Variants in HEXB observed in about 807,000 individuals in gnomAD.
The protein encoded by HEXB is hexosaminidase subunit beta, also known as beta-hexosaminidase subunit beta.
In HEXB, 51 loss-of-function variants were observed where a neutral mutation model predicts 71.2. The ratio of observed to expected loss-of-function variants is 0.72; its 90% CI spans 0.57 to 0.90. The LOEUF (loss-of-function observed/expected upper bound fraction) is 0.90. Ranked by LOEUF, HEXB falls within the 40% of genes least tolerant of loss-of-function variation. The pLI, the probability that HEXB is intolerant of heterozygous loss-of-function variation, is 0.00. For missense variants in HEXB, 617 were observed against 677.0 expected (o/e 0.91, Z 0.98); for synonymous variants, 266 against 249.3 (o/e 1.07, Z -0.63).
At chr5:74,694,221 T>G (rs1749062198) in intron 3 of HEXB, among the ~76,000 whole-genome samples, 1 of 152,106 alleles carries the variant, frequency 6.6e-6, no homozygotes, top group South Asian at 2.1e-4. Flanking sequence ...TCAAAAAATG[T>G]TTGAAGGTTA....
intron 5 of HEXB, among the ~76,000 whole-genome samples, chr5:74,701,363 C>T (rs886325635): frequency 2.6e-5 from 4 of 152,032 alleles, no homozygotes; most frequent in Admixed American, 2.0e-4. Context: ...TTAGAATTTA[C>T]TTTAGTGTAT....
At chr5:74,688,249 A>AT (rs35280836) in intron 1 of HEXB, among the ~76,000 whole-genome samples, 92,431 of 136,160 alleles carry the variant, frequency 0.68, 33,147 homozygotes, top group Non-Finnish European at 0.75. Context: ...TAATATTAAT[A>AT]TTAATATTTA....
At chr5:74,689,508 C>G (rs750195024) in intron 2 of HEXB, 35 bp downstream of exon 2, 2 of 1,592,144 alleles carry the variant, frequency 1.3e-6, no homozygotes, top group Middle Eastern at 1.7e-4. Flanking sequence ...TATTATATCC[C>G]AGGTGCTCGC....
intron 1 of HEXB, among the ~76,000 whole-genome samples, chr5:74,677,517 A>G (rs114397535): frequency 0.041 from 3,438 of 84,454 alleles, 159 homozygotes; most frequent in African/African-American, 0.15. Context: ...TTTTTTTGGT[A>G]CTACTCTCAG....
chr5:74,664,730 A>G (rs536354863), intron 1 of HEXB, among the ~76,000 whole-genome samples: 2 of 152,252 alleles, frequency 1.3e-5, no homozygotes, highest in South Asian at 4.1e-4. Flanking sequence ...GGAGAGAGGG[A>G]AAAAAATCTG....
At chr5:74,661,097 C>T (rs1001109467) in intron 1 of HEXB, among the ~76,000 whole-genome samples, 10 of 152,134 alleles carry the variant, frequency 6.6e-5, no homozygotes, top group African/African-American at 2.4e-4. Flanking sequence ...CCACAGTGAG[C>T]CACATGTCTG....
chr5:74,674,605 GAA>G (rs1199567534), intron 1 of HEXB, among the ~76,000 whole-genome samples: 3 of 94,876 alleles, frequency 3.2e-5, no homozygotes, highest in Admixed American at 1.2e-4. Context: ...CTCTGTCTCA[GAA>G]AAAAAAAAAA....
At chr5:74,710,788 T>C (rs567445012) in intron 6 of HEXB, among the ~76,000 whole-genome samples, 20,227 of 150,806 alleles carry the variant, frequency 0.13, 1,417 homozygotes, top group Middle Eastern at 0.2. Flanking sequence ...TAAAAGAGGA[T>C]ACAAACAAAT....
intron 2 of HEXB, among the ~76,000 whole-genome samples, chr5:74,690,033 T>A (rs886357758): frequency 6.6e-6 from 1 of 152,124 alleles, no homozygotes; most frequent in Non-Finnish European, 1.5e-5. Flanking sequence ...AAAACATCTG[T>A]ATCCATGATC....
chr5:74,676,664 G>A (rs542869101), intron 1 of HEXB, among the ~76,000 whole-genome samples: 43 of 152,208 alleles, frequency 2.8e-4, no homozygotes, highest in African/African-American at 9.9e-4. Flanking sequence ...TACTCGGGAG[G>A]CTGAGGCAGG....
At chr5:74,699,118 A>AGGTT (rs1749188357) in intron 5 of HEXB, among the ~76,000 whole-genome samples, 1 of 152,082 alleles carries the variant, frequency 6.6e-6, no homozygotes, top group African/African-American at 2.4e-5. Flanking sequence ...TGGGAGAGGG[A>AGGTT]GGTTGGAGTG....
intron 1 of HEXB, among the ~76,000 whole-genome samples, chr5:74,650,769 A>C (rs1416143976): frequency 6.6e-6 from 1 of 151,508 alleles, no homozygotes; most frequent in African/African-American, 2.4e-5. Context: ...AAAATACAAA[A>C]AAAAAAATTA....
intron 1 of HEXB, among the ~76,000 whole-genome samples, chr5:74,642,519 C>T (rs1252008300): frequency 6.6e-6 from 1 of 152,132 alleles, no homozygotes; most frequent in Non-Finnish European, 1.5e-5. Context: ...TTTCTGTAGC[C>T]TGTGGCAAGG....
chr5:74,704,356 T>C (rs1157017766), intron 5 of HEXB, among the ~76,000 whole-genome samples: 1 of 152,178 alleles, frequency 6.6e-6, no homozygotes, highest in African/African-American at 2.4e-5. Context: ...GTTGGACAAA[T>C]CTTCTCCCTT....
intron 5 of HEXB, among the ~76,000 whole-genome samples, chr5:74,698,921 A>G (rs1296169716): frequency 6.6e-6 from 1 of 151,776 alleles, no homozygotes; most frequent in Non-Finnish European, 1.5e-5. Context: ...ACAGTGGCTC[A>G]CGCCTGTAAT....
At chr5:74,656,890 G>A (rs1425151723) in intron 1 of HEXB, among the ~76,000 whole-genome samples, 1 of 152,196 alleles carries the variant, frequency 6.6e-6, no homozygotes, top group Non-Finnish European at 1.5e-5. Flanking sequence ...GGGATTACAG[G>A]TGTGAGCCAC....
At chr5:74,650,528 G>T in intron 1 of HEXB, among the ~76,000 whole-genome samples, 1 of 152,178 alleles carries the variant, frequency 6.6e-6, no homozygotes, top group Non-Finnish European at 1.5e-5. Flanking sequence ...GGAGAAGGGG[G>T]TTGGAGGTGT....
chr5:74,703,698 C>G (rs1749314229), intron 5 of HEXB, among the ~76,000 whole-genome samples: 1 of 152,074 alleles, frequency 6.6e-6, no homozygotes, highest in South Asian at 2.1e-4. Context: ...TTTGGTCTCA[C>G]TGTCACCCCC....
chr5:74,683,302 C>CT (rs113766699), upstream of HEXB, among the ~76,000 whole-genome samples: 143 of 148,436 alleles, frequency 9.6e-4, 2 homozygotes, highest in Middle Eastern at 3.6e-3. Context: ...CTAGTTTCTT[C>CT]TTTTTTTTTT....
Sources: gnomAD v4.1 joint callset for allele counts (sites outside exome capture counted in the v4.1 genomes callset) on GRCh38, gnomAD v4.1.1 for gene constraint, MANE v1.5 for transcripts, NCBI Gene and HGNC (gene_info 2026-07-23, HGNC 2026-07-21) for gene names.